Variants in STAU2 observed in about 807,000 individuals in gnomAD.
STAU2 encodes double-stranded RNA-binding protein Staufen homolog 2.
STAU2 carries 20 observed loss-of-function variants against 65.9 expected under a neutral mutation model. That is an observed-to-expected ratio of 0.30 (90% CI 0.21 to 0.44). The LOEUF (loss-of-function observed/expected upper bound fraction) is 0.44. Among genes scored for constraint, STAU2 ranks in the 20% least tolerant of loss-of-function variants. The pLI is 1.00. For synonymous variants in STAU2, 232 were observed against 233.9 expected, an observed-to-expected ratio of 0.99 and a Z score of 0.07; for missense variants, 558 against 683.9, an observed-to-expected ratio of 0.82 and a Z score of 2.05.
At chr8:73,517,832 C>A (rs893905495) in intron 13 of STAU2, among the ~76,000 whole-genome samples, 1 of 152,116 alleles carries the variant, frequency 6.6e-6, no homozygotes, top group Non-Finnish European at 1.5e-5. Context: ...CACTTGTGTG[C>A]ACAATATCAC....
chr8:73,431,047 G>A (rs1817242559), intron 13 of STAU2, among the ~76,000 whole-genome samples: 2 of 152,112 alleles, frequency 1.3e-5, no homozygotes, highest in South Asian at 4.1e-4. Flanking sequence ...CTAATCTTGG[G>A]GAGTTGTGGG....
chr8:73,682,862 T>C (rs531121045), intron 5 of STAU2, among the ~76,000 whole-genome samples: 22 of 152,072 alleles, frequency 1.4e-4, no homozygotes, highest in Middle Eastern at 3.4e-3. Flanking sequence ...CTAGAAAACC[T>C]AGAGGAGCTG....
chr8:73,623,240 A>C (rs557782270), intron 6 of STAU2, among the ~76,000 whole-genome samples: 2 of 152,242 alleles, frequency 1.3e-5, no homozygotes, highest in South Asian at 4.1e-4. Context: ...TTATGGACTC[A>C]TTTTGTATTA....
At chr8:73,465,798 CCT>C (rs1283262260) in intron 13 of STAU2, among the ~76,000 whole-genome samples, 3 of 152,088 alleles carry the variant, frequency 2.0e-5, no homozygotes, top group Admixed American at 6.6e-5. Context: ...ATTTCTCACC[CCT>C]GTCTTCATTT....
At chr8:73,721,812 A>T (rs1192642688) in intron 3 of STAU2, among the ~76,000 whole-genome samples, 1 of 152,174 alleles carries the variant, frequency 6.6e-6, no homozygotes. Flanking sequence ...TCTTGTAGGC[A>T]AGCATATAGT....
At chr8:73,654,527 C>T (rs964200637) in intron 6 of STAU2, among the ~76,000 whole-genome samples, 14 of 149,612 alleles carry the variant, frequency 9.4e-5, no homozygotes, top group African/African-American at 3.2e-4. Context: ...GGTGTCCCAA[C>T]TACTAGAGAG....
chr8:73,661,270 G>A (rs1816811860), intron 6 of STAU2, among the ~76,000 whole-genome samples: 1 of 152,122 alleles, frequency 6.6e-6, no homozygotes, highest in Non-Finnish European at 1.5e-5. Context: ...CTAAGCAACT[G>A]AACCAGCCTA....
intron 13 of STAU2, among the ~76,000 whole-genome samples, chr8:73,496,992 C>T (rs1488222410): frequency 6.6e-6 from 1 of 151,684 alleles, no homozygotes; most frequent in African/African-American, 2.4e-5. Context: ...AAATTCAGTG[C>T]AAGTATATAA....
At chr8:73,449,115 G>A (rs904882389) in intron 13 of STAU2, among the ~76,000 whole-genome samples, 3 of 152,222 alleles carry the variant, frequency 2.0e-5, no homozygotes, top group Admixed American at 6.5e-5. Flanking sequence ...AGCAGGGACC[G>A]CGCAGCTCCG....
At chr8:73,452,703 A>AT (rs1818861739) in intron 13 of STAU2, among the ~76,000 whole-genome samples, 1 of 152,200 alleles carries the variant, frequency 6.6e-6, no homozygotes, top group Non-Finnish European at 1.5e-5. Context: ...GCCAAAACGT[A>AT]TTTTTTAAAT....
At position 73,548,752 on chromosome 8, in the gene STAU2, C is replaced by T. The variant is rs150818811; in HGVS notation, c.1530+3260G>A. Among the ~76,000 whole-genome samples the T allele has an allele frequency of 4.6e-5, 7 of 152,208 alleles. No homozygotes were observed. The East Asian group carries it at 9.7e-4, about 21-fold the overall frequency. ...AAAACCTAGTTTGTTACACTATACT[C>T]GGAAGGTTTCACAAACAACACTGTT... On this transcript the variant is annotated intron_variant, in intron 13 of 14. Transcript: ENST00000524300.
chr8:73,456,854 G>A (rs17291214), intron 13 of STAU2, among the ~76,000 whole-genome samples: 56,369 of 152,048 alleles, frequency 0.37, 10,881 homozygotes, highest in Non-Finnish European at 0.42. Flanking sequence ...CAAATTCCAG[G>A]AGTTGTACAG....
At chr8:73,622,151 G>A (rs1189221470) in intron 6 of STAU2, among the ~76,000 whole-genome samples, 201 of 23,614 alleles carry the variant, frequency 8.5e-3, no homozygotes, top group East Asian at 0.014. Flanking sequence ...TTTTTGAGAC[G>A]GAGTCTCGCT....
intron 13 of STAU2, among the ~76,000 whole-genome samples, chr8:73,534,087 G>A (rs987838317): frequency 1.3e-5 from 2 of 152,196 alleles, no homozygotes; most frequent in Admixed American, 6.5e-5. Flanking sequence ...CACAATCACT[G>A]TGTTAAGAAA....
chr8:73,618,643 T>C (rs941753604), intron 6 of STAU2, among the ~76,000 whole-genome samples: 1 of 152,204 alleles, frequency 6.6e-6, no homozygotes, highest in African/African-American at 2.4e-5. Context: ...ATCTGACTTA[T>C]CTCTTGGAAT....
chr8:73,630,502 A>T (rs115103473), intron 6 of STAU2, among the ~76,000 whole-genome samples: 1,654 of 152,364 alleles, frequency 0.011, 32 homozygotes, highest in African/African-American at 0.038. Flanking sequence ...TCCTGTTCAC[A>T]ATACAGATAC....
At chr8:73,542,904 T>C (rs908155409) in intron 13 of STAU2, among the ~76,000 whole-genome samples, 1 of 152,206 alleles carries the variant, frequency 6.6e-6, no homozygotes, top group Non-Finnish European at 1.5e-5. Flanking sequence ...ACACTTACCA[T>C]GTGATCCAGC....
At chr8:73,653,289 C>CA (rs1303992549) in intron 6 of STAU2, 1 of 152,142 alleles carries the variant, frequency 6.6e-6, no homozygotes, top group Non-Finnish European at 1.5e-5. Flanking sequence ...AATGAGTCAA[C>CA]AGCAAGGATT....
chr8:73,577,121 C>T (rs145776759), intron 12 of STAU2, among the ~76,000 whole-genome samples: 1 of 152,062 alleles, frequency 6.6e-6, no homozygotes, highest in East Asian at 1.9e-4. Flanking sequence ...ATTCTGCTTC[C>T]CTAGCTGTTT....
Sources: gnomAD v4.1 joint callset for allele counts (sites outside exome capture counted in the v4.1 genomes callset) on GRCh38, gnomAD v4.1.1 for gene constraint, MANE v1.5 for transcripts, NCBI Gene and HGNC (gene_info 2026-07-23, HGNC 2026-07-21) for gene names.